The following MCTP2 variants were observed in gnomAD, a reference collection of about 807,000 sequenced individuals.
MCTP2 encodes the protein multiple C2 and transmembrane domain-containing protein 2.
Under a neutral mutation model 111.6 loss-of-function variants are expected in MCTP2, and 132 were observed. The ratio of observed to expected loss-of-function variants is 1.18; its 90% CI spans 1.03 to 1.37. The LOEUF (loss-of-function observed/expected upper bound fraction) is 1.37. Among genes scored for constraint, MCTP2 ranks in the 40% most tolerant of loss-of-function variants. The pLI, the probability that MCTP2 is intolerant of heterozygous loss-of-function variation, is 0.00. For synonymous variants in MCTP2, 395 were observed against 387.7 expected, an observed-to-expected ratio of 1.02 and a Z score of -0.22; for missense variants, 1,183 against 1,067.9, an observed-to-expected ratio of 1.11 and a Z score of -1.50.
intron 20 of MCTP2, among the ~76,000 whole-genome samples, chr15:94,459,204 C>T (rs1191456022): frequency 2.0e-5 from 3 of 152,002 alleles, no homozygotes; most frequent in Admixed American, 6.6e-5. Context: ...CTTTATTGGT[C>T]GTGTCTACGG....
intron 1 of MCTP2, among the ~76,000 whole-genome samples, chr15:94,269,466 C>G (rs1363691331): frequency 6.6e-6 from 1 of 152,130 alleles, no homozygotes; most frequent in East Asian, 1.9e-4. Flanking sequence ...CTCCAGATAT[C>G]TGGAATCATA....
intron 1 of MCTP2, among the ~76,000 whole-genome samples, chr15:94,291,356 G>A (rs1373503753): frequency 6.6e-6 from 1 of 152,110 alleles, no homozygotes; most frequent in Non-Finnish European, 1.5e-5. Context: ...TAATCCCAGT[G>A]CTTTGGGAGG....
chr15:94,236,382 T>C (rs1012891216), intron 1 of MCTP2, among the ~76,000 whole-genome samples: 2 of 90,732 alleles, frequency 2.2e-5, no homozygotes, highest in African/African-American at 4.4e-5. Flanking sequence ...TTTTTCTTTT[T>C]TTTTTTTTTT....
chr15:94,369,142 T>A (rs1300803998), intron 11 of MCTP2, among the ~76,000 whole-genome samples: 1 of 152,350 alleles, frequency 6.6e-6, no homozygotes, highest in African/African-American at 2.4e-5. Flanking sequence ...TTGTTTAGGT[T>A]GAAAATATAG....
intron 4 of MCTP2, among the ~76,000 whole-genome samples, chr15:94,330,383 A>G (rs1312121927): frequency 6.6e-6 from 1 of 152,198 alleles, no homozygotes; most frequent in Non-Finnish European, 1.5e-5. Context: ...ATCAATAATC[A>G]TGTATGCTTT....
chr15:94,256,701 T>A (rs546202740), intron 1 of MCTP2, among the ~76,000 whole-genome samples: 6 of 152,326 alleles, frequency 3.9e-5, no homozygotes, highest in African/African-American at 1.4e-4. Context: ...CCCATGTTCC[T>A]CTTTCCTGAG....
rs148069595 is a variant in MCTP2, at chr15:94,467,559, T to C, written c.2361-2774T>C. Among the ~76,000 whole-genome samples the C allele has an allele frequency of 4.4e-3, 671 of 152,298 alleles. 7 individuals carry two copies. The highest frequency in any genetic ancestry group is 0.015 in the African/African-American group (644 of 41,568). On this transcript the variant is annotated intron_variant, in intron 20 of 22. Coordinates refer to ENST00000357742, the MANE Select transcript of MCTP2 (RefSeq NM_001385001.1). Reference sequence around the variant, plus strand: ...GGGTTGTGTGAGTGTTTTTAGTGTATTCTCACCTTTTTTTTAAAGCTGCGT... The same window carrying C: ...GGGTTGTGTGAGTGTTTTTAGTGTACTCTCACCTTTTTTTTAAAGCTGCGT...
At chr15:94,394,371 G>C (rs1302406203) in intron 14 of MCTP2, among the ~76,000 whole-genome samples, 1 of 152,134 alleles carries the variant, frequency 6.6e-6, no homozygotes, top group Middle Eastern at 3.2e-3. Flanking sequence ...CACTTATAGT[G>C]TAAGCTGGCA....
At chr15:94,347,655 T>C (rs1376768392) in intron 8 of MCTP2, among the ~76,000 whole-genome samples, 2 of 152,164 alleles carry the variant, frequency 1.3e-5, no homozygotes, top group Non-Finnish European at 2.9e-5. Context: ...GACACCTAGT[T>C]CTCTTTATGT....
intron 19 of MCTP2, among the ~76,000 whole-genome samples, chr15:94,450,972 G>A (rs2084407035): frequency 6.6e-6 from 1 of 152,240 alleles, no homozygotes; most frequent in African/African-American, 2.4e-5. Context: ...GAGGCTCGAA[G>A]CTAGTTTATT....
At chr15:94,450,231 T>A (rs1001122965) in intron 19 of MCTP2, among the ~76,000 whole-genome samples, 8 of 152,244 alleles carry the variant, frequency 5.3e-5, no homozygotes, top group African/African-American at 1.7e-4. Flanking sequence ...TATTTTATAT[T>A]CATTTCCCAA....
At chr15:94,235,191 C>T (rs1046890167) in intron 1 of MCTP2, among the ~76,000 whole-genome samples, 2 of 150,910 alleles carry the variant, frequency 1.3e-5, no homozygotes, top group Non-Finnish European at 2.9e-5. Flanking sequence ...GCGGAGGTTG[C>T]AGCAGTGAGC....
At chr15:94,318,645 TTC>T (rs2076491941) in intron 4 of MCTP2, among the ~76,000 whole-genome samples, 1 of 152,162 alleles carries the variant, frequency 6.6e-6, no homozygotes, top group Admixed American at 6.5e-5. Flanking sequence ...TTTTCTAGCT[TTC>T]TCCATTTTTT....
intron 21 of MCTP2, 40 bp downstream of exon 21, chr15:94,470,482 G>A: frequency 7.7e-7 from 1 of 1,300,052 alleles, no homozygotes; most frequent in South Asian, 1.2e-5. Context: ...ATCAATTCCA[G>A]GTAAGAACCA....
intron 3 of MCTP2, 103 bp downstream of exon 3, chr15:94,314,447 A>T: frequency 2.2e-6 from 2 of 895,560 alleles, no homozygotes; most frequent in Non-Finnish European, 3.4e-6. Context: ...AAAAAAAAAA[A>T]AAAAATGCCA....
At chr15:94,416,984 G>A (rs1231127278) in intron 17 of MCTP2, among the ~76,000 whole-genome samples, 1 of 152,098 alleles carries the variant, frequency 6.6e-6, no homozygotes, top group African/African-American at 2.4e-5. Context: ...TTCCCTCTGA[G>A]CGCCTCAAGT....
At chr15:94,446,947 CA>C (rs2084154907) in intron 19 of MCTP2, among the ~76,000 whole-genome samples, 1 of 152,146 alleles carries the variant, frequency 6.6e-6, no homozygotes, top group African/African-American at 2.4e-5. Context: ...ACATCTAATC[CA>C]TTTTTGTTGA....
intron 1 of MCTP2, among the ~76,000 whole-genome samples, chr15:94,270,923 C>A (rs1199135191): frequency 6.6e-6 from 1 of 152,320 alleles, no homozygotes; most frequent in Non-Finnish European, 1.5e-5. Context: ...GCCTTGTTCA[C>A]TGATATATCC....
At chr15:94,292,556 A>T (rs2075081060) in intron 1 of MCTP2, among the ~76,000 whole-genome samples, 1 of 152,222 alleles carries the variant, frequency 6.6e-6, no homozygotes, top group African/African-American at 2.4e-5. Flanking sequence ...CAACCTAATA[A>T]AACATGTACT....
Sources: gnomAD v4.1 joint callset for allele counts (sites outside exome capture counted in the v4.1 genomes callset) on GRCh38, gnomAD v4.1.1 for gene constraint, MANE v1.5 for transcripts, NCBI Gene and HGNC (gene_info 2026-07-23, HGNC 2026-07-21) for gene names.